The following MFSD11 variants were observed in gnomAD, a reference collection of about 807,000 sequenced individuals.
The protein encoded by MFSD11 is major facilitator superfamily domain containing 11.
MFSD11 carries 36 observed loss-of-function variants against 53.5 expected under a neutral mutation model. The ratio of observed to expected loss-of-function variants is 0.67; its 90% CI spans 0.52 to 0.89. The LOEUF is 0.89. Ranked by LOEUF, MFSD11 falls within the 40% of genes least tolerant of loss-of-function variation. MFSD11 has a pLI of 0.00. For synonymous variants in MFSD11, 186 were observed against 184.9 expected, an observed-to-expected ratio of 1.01 and a Z score of -0.05; for missense variants, 530 against 543.9, an observed-to-expected ratio of 0.97 and a Z score of 0.25.
chr17:76,737,578 C>A, upstream of MFSD11: 1 of 233,796 alleles, frequency 4.3e-6, no homozygotes, highest in Non-Finnish European at 8.4e-6. Context: ...ACGCTTTTTC[C>A]GCCTGGGAGG....
At chr17:76,801,129 C>T in the MFSD11 span, among the ~76,000 whole-genome samples, 2 of 151,278 alleles carry the variant, frequency 1.3e-5, no homozygotes, top group Admixed American at 6.6e-5. Flanking sequence ...TGGTGCCTCA[C>T]GTCTGTAATC....
chr17:76,738,350 A>T lies in MFSD11; in HGVS notation c.-3A>T. 1 of 1,613,298 alleles carries T rather than the reference A, an allele frequency of 6.2e-7. No homozygotes were observed. The highest frequency in any genetic ancestry group is 8.5e-7 in the Non-Finnish European group (1 of 1,179,302). ...CTGCTGCCTCCGGCAGAGCTGAGCC[A>T]AAATGTCCCCGGAATCTAAAAAGCT... On this transcript the variant is annotated 5_prime_UTR_variant, in exon 1 of 13. Coordinates refer to ENST00000685175, the MANE Select transcript of MFSD11 (RefSeq NM_001242532.5).
chr17:76,793,167 C>G, the MFSD11 span, among the ~76,000 whole-genome samples: 3 of 151,266 alleles, frequency 2.0e-5, no homozygotes, highest in Non-Finnish European at 2.9e-5. Context: ...GAGCAGACAA[C>G]CAGTCTGATC....
At chr17:76,738,846 T>C in intron 1 of MFSD11, 92 bp from the exon 2 acceptor site, 1 of 972,950 alleles carries the variant, frequency 1.0e-6, no homozygotes, top group Admixed American at 1.9e-5. Context: ...ACTTTTACTT[T>C]ATTCTCTTGC....
At chr17:76,798,846 G>A in the MFSD11 span, among the ~76,000 whole-genome samples, 2 of 151,550 alleles carry the variant, frequency 1.3e-5, no homozygotes, top group East Asian at 3.9e-4. Context: ...TGACCAACGT[G>A]GCAAAGCCCC....
upstream of MFSD11, chr17:76,737,324 T>G (rs1486537530): frequency 2.2e-6 from 2 of 916,312 alleles, no homozygotes; most frequent in East Asian, 2.8e-5. Flanking sequence ...CGCACCTGAG[T>G]AACAACTGGG....
chr17:76,738,029 C>T (rs1020587682), upstream of MFSD11: 22 of 366,932 alleles, frequency 6.0e-5, no homozygotes, highest in South Asian at 2.0e-3. Context: ...GGGGCCGCGC[C>T]GGCTGCTGCG....
chr17:76,744,786 C>T (rs1261196381), intron 7 of MFSD11, among the ~76,000 whole-genome samples: 1 of 152,188 alleles, frequency 6.6e-6, no homozygotes, highest in Admixed American at 6.5e-5. Flanking sequence ...CATATGTTTC[C>T]ATGGGCAAGG....
At chr17:76,794,695 TTTTTTTTTTTG>T in the MFSD11 span, among the ~76,000 whole-genome samples, 3 of 11,176 alleles carry the variant, frequency 2.7e-4, no homozygotes, top group African/African-American at 3.3e-4. Flanking sequence ...TTTTTTTTTT[TTTTTTTTTTTG>T]TTTTGAGATG....
intron 8 of MFSD11, among the ~76,000 whole-genome samples, chr17:76,764,443 ACT>A (rs1168950106): frequency 1.3e-5 from 2 of 151,934 alleles, no homozygotes; most frequent in African/African-American, 4.8e-5. Context: ...CCACTATGCT[ACT>A]CTCTGCTTCT....
the MFSD11 span, among the ~76,000 whole-genome samples, chr17:76,794,641 CAAA>C: frequency 1.5e-5 from 1 of 65,434 alleles, no homozygotes; most frequent in Non-Finnish European, 2.4e-5. Context: ...AACTCTGTCT[CAAA>C]AAAAAAAAAA....
intron 5 of MFSD11, 59 bp from the exon 6 acceptor site, chr17:76,743,339 A>G (rs1211488698): frequency 8.8e-7 from 1 of 1,139,134 alleles, no homozygotes; most frequent in Non-Finnish European, 1.3e-6. Context: ...ATTATTTTTA[A>G]AAAACTATAA....
the MFSD11 span, among the ~76,000 whole-genome samples, chr17:76,787,943 G>T: frequency 6.7e-6 from 1 of 149,922 alleles, no homozygotes; most frequent in Non-Finnish European, 1.5e-5. Context: ...TCACATGACA[G>T]ATAGGAGACC....
chr17:76,743,321 T>C lies in MFSD11; in HGVS notation c.438-77T>C, dbSNP rs1598490487. ...TCTCTCCCTCTCTTACAACAAATAATGGGAATAATTATTTTTAAAAAACTA... is the reference window on the plus strand; with the variant it reads ...TCTCTCCCTCTCTTACAACAAATAACGGGAATAATTATTTTTAAAAAACTA... On this transcript the variant is annotated intron_variant, in intron 5 of 12. Transcript: ENST00000685175. 5 of 941,980 alleles carry C rather than the reference T, an allele frequency of 5.3e-6. No homozygotes were observed. In the East Asian group the frequency reaches 1.2e-4, roughly 22 times the overall value. 58.4% of individuals were successfully genotyped at this position (941,980 alleles called of 1,614,324 possible).
chr17:76,795,655 G>C, the MFSD11 span, among the ~76,000 whole-genome samples: 1 of 151,998 alleles, frequency 6.6e-6, no homozygotes, highest in Admixed American at 6.6e-5. Flanking sequence ...GAAGATGAGG[G>C]ATGTTGTAAT....
chr17:76,759,457 G>T (rs1184475870), intron 8 of MFSD11, among the ~76,000 whole-genome samples: 2 of 148,480 alleles, frequency 1.3e-5, no homozygotes, highest in Non-Finnish European at 3.0e-5. Flanking sequence ...TAAATTTTTT[G>T]TATTTTTCTT....
the MFSD11 span, among the ~76,000 whole-genome samples, chr17:76,792,141 CAG>C: frequency 2.1e-5 from 3 of 145,082 alleles, no homozygotes; most frequent in Non-Finnish European, 4.5e-5. Context: ...TTTTTTGAGA[CAG>C]AGTCTCACTA....
intron 8 of MFSD11, among the ~76,000 whole-genome samples, chr17:76,760,742 G>T (rs987570691): frequency 5.9e-5 from 9 of 151,972 alleles, no homozygotes; most frequent in African/African-American, 2.2e-4. Flanking sequence ...TGTTGGCCAG[G>T]CTAGTCTTGA....
chr17:76,740,013 A>G (rs1164939359), intron 2 of MFSD11, among the ~76,000 whole-genome samples: 1 of 151,156 alleles, frequency 6.6e-6, no homozygotes, highest in Admixed American at 6.6e-5. Flanking sequence ...AAAAATACAA[A>G]AAAAAAAAAA....
Sources: allele counts gnomAD v4.1 joint callset (sites outside exome capture counted in the v4.1 genomes callset), GRCh38; gene constraint gnomAD v4.1.1; transcripts MANE v1.5; gene names NCBI Gene and HGNC (gene_info 2026-07-23, HGNC 2026-07-21).